The following SIRT1 variants were observed in gnomAD, a reference collection of about 807,000 sequenced individuals.
SIRT1 encodes the protein NAD-dependent protein deacetylase sirtuin-1.
A neutral mutation model predicts 67.9 loss-of-function variants in SIRT1; 24 were observed. The observed-to-expected ratio is 0.35, with a 90% CI of 0.26 to 0.50. SIRT1 has a LOEUF of 0.50. Ranked by LOEUF, SIRT1 falls within the 20% of genes least tolerant of loss-of-function variation. The probability of loss-of-function intolerance (pLI) is 0.98; values close to 1 mark genes in which losing one functional copy is unlikely to be tolerated. For missense variants in SIRT1, 873 were observed against 937.2 expected (o/e 0.93, Z 0.89); for synonymous variants, 378 against 350.7 (o/e 1.08, Z -0.87).
intron 4 of SIRT1, among the ~76,000 whole-genome samples, chr10:67,897,921 G>A (rs553229410): frequency 2.0e-5 from 3 of 150,440 alleles, no homozygotes; most frequent in East Asian, 2.0e-4. Flanking sequence ...GAGTCAAGGC[G>A]AAACTGAATT....
rs1466630009 is a variant in SIRT1 at position 67,889,256 on chromosome 10, G to GT, written c.789+134dup. 5 of 993,686 alleles carry GT rather than the reference G, an allele frequency of 5.0e-6. No homozygotes were observed. In the Admixed American group the frequency reaches 1.2e-4, roughly 25 times the overall value. The allele number at this position is 993,686 out of a possible 1,614,324, so 61.6% of individuals were successfully genotyped here. A position where few individuals can be genotyped will look rare whatever the true frequency, so the allele number is the denominator to read the frequency against. On this transcript the variant is annotated intron_variant, in intron 3 of 8. Transcript: ENST00000212015. Reference sequence around the variant, plus strand: ...ATGTTTGGGAACTGCCAAAAACTGAGTGCAGCAGCAGTTGCTAAATTAGTT... The same window carrying GT: ...ATGTTTGGGAACTGCCAAAAACTGAGTTGCAGCAGCAGTTGCTAAATTAGTT...
chr10:67,906,729 C>A, intron 4 of SIRT1, 61 bp from the exon 5 acceptor site: 1 of 1,497,710 alleles, frequency 6.7e-7, no homozygotes, highest in Admixed American at 2.1e-5. Flanking sequence ...TTTTGTTAAA[C>A]ATATGACATC....
At chr10:67,904,817 C>T (rs1842797014) in intron 4 of SIRT1, among the ~76,000 whole-genome samples, 1 of 149,474 alleles carries the variant, frequency 6.7e-6, no homozygotes, top group South Asian at 2.1e-4. Flanking sequence ...GCACTCCAGC[C>T]TGGGCAAAAA....
At chr10:67,888,317 A>G (rs1349827359) in intron 2 of SIRT1, among the ~76,000 whole-genome samples, 1 of 152,014 alleles carries the variant, frequency 6.6e-6, no homozygotes, top group African/African-American at 2.4e-5. Context: ...TTATTTATTT[A>G]TTTTTGTTTT....
intron 3 of SIRT1, 147 bp downstream of exon 3, chr10:67,889,270 G>A (rs1357184338): frequency 4.6e-6 from 4 of 863,186 alleles, no homozygotes; most frequent in Non-Finnish European, 6.8e-6. Context: ...AGCAGCAGTT[G>A]CTAAATTAGT....
In SIRT1 at chr10:67,917,155, G is replaced by C. The variant is rs578185204; in HGVS notation, c.*562G>C. 1 of 152,690 alleles carries C rather than the reference G, an allele frequency of 6.5e-6. No homozygotes were observed. The highest frequency in any genetic ancestry group is 1.9e-4 in the East Asian group (1 of 5,188). 9.5% of individuals were successfully genotyped at this position (152,690 alleles called of 1,614,324 possible). A position where few individuals can be genotyped will look rare whatever the true frequency, so the allele number is the denominator to read the frequency against. On this transcript the variant is annotated 3_prime_UTR_variant, in exon 9 of 9. Transcript: ENST00000212015. ...AACTTTTTAAAATCTCAAATGACAT[G>C]CAGTGTGAGTAGAAGGAAGTCAACA...
At chr10:67,890,557 C>G (rs1842553654) in intron 3 of SIRT1, among the ~76,000 whole-genome samples, 4 of 151,304 alleles carry the variant, frequency 2.6e-5, no homozygotes, top group African/African-American at 9.7e-5. Context: ...TCACCCTGAG[C>G]AACATAGACC....
At chr10:67,914,867 T>G (rs920860747) in intron 8 of SIRT1, among the ~76,000 whole-genome samples, 4 of 144,912 alleles carry the variant, frequency 2.8e-5, no homozygotes, top group African/African-American at 1.0e-4. Flanking sequence ...GCGCATGCCC[T>G]CATGCTCAGC....
chr10:67,885,498 A>G, intron 1 of SIRT1: 1 of 871,944 alleles, frequency 1.1e-6, no homozygotes. Context: ...CTTTTTCTTT[A>G]TTTTTTATTT....
chr10:67,914,463 G>A (rs931998414), intron 8 of SIRT1, among the ~76,000 whole-genome samples: 3 of 152,144 alleles, frequency 2.0e-5, no homozygotes, highest in Non-Finnish European at 2.9e-5. Context: ...AAGAGCAGAC[G>A]TGTTCACAGG....
chr10:67,904,242 C>T (rs145370853), intron 4 of SIRT1, among the ~76,000 whole-genome samples: 2 of 151,648 alleles, frequency 1.3e-5, no homozygotes, highest in Non-Finnish European at 2.9e-5. Context: ...ATCCTCCCAC[C>T]TCAGCCTTCT....
chr10:67,889,511 T>G (rs1328570566), intron 3 of SIRT1, among the ~76,000 whole-genome samples: 2 of 152,162 alleles, frequency 1.3e-5, no homozygotes, highest in Non-Finnish European at 2.9e-5. Context: ...TATTCACAAG[T>G]GAAAAGCTTA....
In SIRT1 at chr10:67,912,907, T is replaced by G; in HGVS notation, c.1791T>G (p.Asn597Lys). ...NVESIAEQME[N>K]PDLKNVGSST... ...AAAGTATTGCTGAACAGATGGAAAA[T>G]CCGGATTTGAAGAATGTTGGTTCTA... The change falls in exon 8 of 9, where the codon AAT (asparagine) becomes AAG (lysine). Residue 597 changes from asparagine to lysine, a missense_variant. By Grantham distance (94) the Asn-to-Lys change is moderately conservative. Transcript: ENST00000212015. 6.2e-7 allele frequency: 1 copy of G among 1,613,874 alleles called. No individual in the cohort carries two copies. Among genetic ancestry groups the G allele is most frequent in the South Asian group, 1.1e-5 (1 of 91,074 alleles).
In SIRT1 at chr10:67,909,260, T is replaced by G; in HGVS notation, c.1175T>G (p.Val392Gly). 2 of 1,590,252 alleles carry G rather than the reference T, an allele frequency of 1.3e-6. No individual in the cohort carries two copies. Among genetic ancestry groups the G allele is most frequent in the Non-Finnish European group, 1.7e-6 (2 of 1,171,364 alleles). Residue 392 changes from valine (V) to glycine (G), a missense_variant, in exon 7 of 9, where the codon GTT becomes GGT. Val to Gly is a moderately radical substitution (Grantham distance 109). Around this residue, in one of 3 missense-constraint regions of SIRT1, gnomAD observed 251 missense variants for 358.8 expected, o/e 0.70. Transcript: ENST00000212015. ...CCAAAATCTGAAAATATGTAGGTAG[T>G]TCCTCGATGTCCTAGGTGCCCAGCT... is the stretch of plus-strand genomic sequence containing the variant. ...AVRGDIFNQVVPRCPRCPADE... is the reference protein window; with the variant it reads ...AVRGDIFNQVGPRCPRCPADE...
In SIRT1 at chr10:67,896,761, C is replaced by CAA. The variant is rs35899726; in HGVS notation, c.942+5232_942+5233dup. 4.4e-3 allele frequency among the ~76,000 whole-genome samples: 247 copies of CAA among 56,692 alleles called. 5 individuals are homozygous for CAA. Among genetic ancestry groups the CAA allele is most frequent in the African/African-American group, 8.5e-3 (136 of 16,038 alleles). The allele number at this position is 56,692 out of a possible 152,430, so 37.2% of individuals were successfully genotyped here. On this transcript the variant is annotated intron_variant, in intron 4 of 8. Transcript: ENST00000212015. ...TGGGTGACAAAGCAAGAATCTGTCT[C>CAA]AAAAAAAAAAAAAAAAAAAAAAAAA...
chr10:67,909,194 C>A, intron 6 of SIRT1, 62 bp from the exon 7 acceptor site: 2 of 1,115,722 alleles, frequency 1.8e-6, no homozygotes, highest in South Asian at 1.6e-5. Flanking sequence ...GAAATGTTGA[C>A]TATTTCTAAC....
chr10:67,909,150 T>G (rs1278573598), intron 6 of SIRT1, 106 bp from the exon 7 acceptor site: 4 of 745,086 alleles, frequency 5.4e-6, no homozygotes, highest in Non-Finnish European at 8.4e-6. Flanking sequence ...TTGTTTTTTT[T>G]TTAATAATTC....
chr10:67,894,650 GA>G (rs970633412), intron 4 of SIRT1, among the ~76,000 whole-genome samples: 1 of 151,650 alleles, frequency 6.6e-6, no homozygotes, highest in Non-Finnish European at 1.5e-5. Context: ...TTGTTAAACT[GA>G]AAAAAAATTC....
chr10:67,896,074 G>A (rs765131422), intron 4 of SIRT1, among the ~76,000 whole-genome samples: 1 of 152,126 alleles, frequency 6.6e-6, no homozygotes, highest in Non-Finnish European at 1.5e-5. Context: ...TTCAAGTAAT[G>A]GAGAGGTGTG....
Sources: gnomAD v4.1 joint callset for allele counts (sites outside exome capture counted in the v4.1 genomes callset) on GRCh38, gnomAD v4.1.1 for gene constraint, gnomAD v4.1.1 regional missense constraint, MANE v1.5 for transcripts, NCBI Gene and HGNC (gene_info 2026-07-23, HGNC 2026-07-21) for gene names.